The following HTT variants were observed in gnomAD, a reference collection of about 807,000 sequenced individuals.
HTT encodes huntington disease protein.
HTT carries 104 observed loss-of-function variants against 362.3 expected under a neutral mutation model. That is an observed-to-expected ratio of 0.29 (90% CI 0.24 to 0.34). HTT has a LOEUF of 0.34. HTT is among the 10% of genes least tolerant of loss of function. The pLI is 1.00. For synonymous variants in HTT, 1,577 were observed against 1,548.7 expected (o/e 1.02, Z -0.43); for missense variants, 3,301 against 3,928.6 (o/e 0.84, Z 4.27).
At chr4:3,148,880 C>G (rs2110206566) in intron 26 of HTT, among the ~76,000 whole-genome samples, 1 of 152,322 alleles carries the variant, frequency 6.6e-6, no homozygotes, top group African/African-American at 2.4e-5. Context: ...TTGCTTGAAC[C>G]TGGGAGGCGG....
intron 51 of HTT, among the ~76,000 whole-genome samples, chr4:3,216,982 G>T (rs920877188): frequency 6.7e-6 from 1 of 150,088 alleles, no homozygotes; most frequent in Non-Finnish European, 1.5e-5. Context: ...CCGAGATCCC[G>T]CCACTGCACT....
chr4:3,136,917 A>ATT (rs544832537), intron 21 of HTT, among the ~76,000 whole-genome samples: 4 of 147,360 alleles, frequency 2.7e-5, no homozygotes, highest in Non-Finnish European at 6.0e-5. Context: ...CCGGCTTTGA[A>ATT]TTTTTTTTTT....
chr4:3,074,707 G>A lies in HTT; in HGVS notation c.-119G>A. 1.8e-6 allele frequency: 2 copies of A among 1,087,208 alleles called. No individual in the cohort carries two copies. The highest frequency in any genetic ancestry group is 2.5e-6 in the Non-Finnish European group (2 of 803,980). The allele number at this position is 1,087,208 out of a possible 1,614,324, so 67.3% of individuals were successfully genotyped here. ...CTGCCGGGACGGGTCCAAGATGGAC[G>A]GCCGCTCAGGTTCTGCTTTTACCTG... On this transcript the variant is annotated 5_prime_UTR_variant, in exon 1 of 67. Coordinates refer to ENST00000355072, the MANE Select transcript of HTT (RefSeq NM_001388492.1).
chr4:3,235,765 C>G lies in HTT; in HGVS notation c.8772C>G (p.Thr2924=). 2.5e-6 allele frequency: 4 copies of G among 1,608,424 alleles called. No individual in the cohort carries two copies. The highest frequency in any genetic ancestry group is 3.4e-6 in the Non-Finnish European group (4 of 1,179,520). The part of the protein sequence containing the change: ...RAMAALGLML[T]CMYTGKEKVS... ...TGGCGGCTCTGGGCCTGATGCTCAC[C>G]TGCATGTACACAGGTGAGCATGTAC... Residue 2924 remains threonine, a synonymous_variant, in exon 63 of 67, where the codon ACC becomes ACG. Coordinates refer to ENST00000355072, the MANE Select transcript of HTT (RefSeq NM_001388492.1).
intron 29 of HTT, among the ~76,000 whole-genome samples, chr4:3,166,786 C>T (rs1717734396): frequency 6.6e-6 from 1 of 152,248 alleles, no homozygotes; most frequent in African/African-American, 2.4e-5. Flanking sequence ...GTTGTGAAGA[C>T]TGTGGGAAAA....
rs362278 is a variant in HTT, at chr4:3,212,148, T to C, written c.6628+6T>C. ...CAAGTTGAATGATCTGTTTGGTAAT[T>C]AAAATTAAAATTTATCTTATTTTTA... On this transcript the variant is annotated splice_donor_region_variant and intron_variant, in intron 48 of 66. Transcript: ENST00000355072. 0.11 allele frequency: 172,079 copies of C among 1,595,784 alleles called. 11,581 individuals carry two copies. Among genetic ancestry groups the C allele is most frequent in the African/African-American group, 0.32 (23,940 of 74,414 alleles).
chr4:3,145,086 CAGG>C (rs1481733199), intron 23 of HTT, 63 bp from the exon 24 acceptor site: 2 of 1,131,648 alleles, frequency 1.8e-6, no homozygotes, highest in Non-Finnish European at 2.7e-6. Context: ...TAAAGGGTAA[CAGG>C]AGATATAATT....
At chr4:3,227,285 C>G (rs1720967845) in intron 57 of HTT, among the ~76,000 whole-genome samples, 1 of 144,944 alleles carries the variant, frequency 6.9e-6, no homozygotes, top group South Asian at 2.3e-4. Context: ...CAGTGCCACC[C>G]CTGCCCTGTC....
chr4:3,215,769 T>C (rs1720368300), intron 51 of HTT, among the ~76,000 whole-genome samples: 1 of 152,162 alleles, frequency 6.6e-6, no homozygotes, highest in African/African-American at 2.4e-5. Flanking sequence ...CTTAGACATA[T>C]ACTACGGCTT....
chr4:3,115,231 T>G, intron 6 of HTT, 73 bp from the exon 7 acceptor site: 5 of 1,425,558 alleles, frequency 3.5e-6, no homozygotes, highest in Non-Finnish European at 4.8e-6. Flanking sequence ...TAATTCACGT[T>G]AAGTTTTATG....
chr4:3,219,362 C>T (rs116235516), intron 52 of HTT, among the ~76,000 whole-genome samples: 9 of 152,256 alleles, frequency 5.9e-5, no homozygotes, highest in African/African-American at 1.9e-4. Flanking sequence ...ACGGGCTGCA[C>T]GCTGTAGGTA....
intron 40 of HTT, among the ~76,000 whole-genome samples, chr4:3,194,087 G>A (rs1719139691): frequency 6.6e-6 from 1 of 152,188 alleles, no homozygotes; most frequent in Non-Finnish European, 1.5e-5. Flanking sequence ...AGTAAGGTGT[G>A]TTTAGCATGT....
At chr4:3,203,873 A>G (rs969015709) in intron 41 of HTT, 134 bp from the exon 42 acceptor site, 2 of 792,092 alleles carry the variant, frequency 2.5e-6, no homozygotes, top group African/African-American at 3.4e-5. Flanking sequence ...TACACATACA[A>G]CATTCTGATA....
chr4:3,187,587 A>T (rs1403165567), intron 38 of HTT, 64 bp from the exon 39 acceptor site: 9 of 1,168,954 alleles, frequency 7.7e-6, no homozygotes, highest in Non-Finnish European at 1.1e-5. Flanking sequence ...CAAAATTGGC[A>T]ATTGGGGGAA....
intron 28 of HTT, 129 bp downstream of exon 28, chr4:3,157,328 A>G (rs1310030127): frequency 1.2e-6 from 1 of 866,728 alleles, no homozygotes; most frequent in Non-Finnish European, 1.8e-6. Flanking sequence ...TAGTTTTTTC[A>G]AGTTTGTTTG....
chr4:3,153,177 G>A (rs1216216363), intron 26 of HTT, among the ~76,000 whole-genome samples: 1 of 152,026 alleles, frequency 6.6e-6, no homozygotes, highest in African/African-American at 2.4e-5. Context: ...ATGTGGTGAG[G>A]GGGTGAGGAA....
At chr4:3,138,333 C>T (rs1716182267) in intron 21 of HTT, among the ~76,000 whole-genome samples, 1 of 152,054 alleles carries the variant, frequency 6.6e-6, no homozygotes, top group Admixed American at 6.6e-5. Flanking sequence ...TTTTAGTACA[C>T]CTGTCACCCG....
chr4:3,160,569 AG>A (rs1249967514), intron 29 of HTT, among the ~76,000 whole-genome samples, 177 bp downstream of exon 29: 1 of 152,114 alleles, frequency 6.6e-6, no homozygotes, highest in Non-Finnish European at 1.5e-5. Flanking sequence ...CATGAAGTTT[AG>A]GGGGAAGTTT....
intron 38 of HTT, 89 bp downstream of exon 38, chr4:3,186,808 T>G: frequency 8.0e-7 from 1 of 1,249,354 alleles, no homozygotes; most frequent in Non-Finnish European, 1.1e-6. Flanking sequence ...TCTGAGTCAG[T>G]CAGTTTGGGT....
Sources: allele counts gnomAD v4.1 joint callset (sites outside exome capture counted in the v4.1 genomes callset), GRCh38; gene constraint gnomAD v4.1.1; transcripts MANE v1.5; gene names NCBI Gene and HGNC (gene_info 2026-07-23, HGNC 2026-07-21).